DCUN1D4: variants seen among roughly 807,000 people sequenced by gnomAD.
DCUN1D4 encodes defective in cullin neddylation 1 domain containing 4.
DCUN1D4 carries 22 observed loss-of-function variants against 47.9 expected under a neutral mutation model. That is an observed-to-expected ratio of 0.46 (90% CI 0.33 to 0.66). The LOEUF is 0.66. DCUN1D4 is among the 30% of genes least tolerant of loss of function. The pLI is 0.02. For missense variants in DCUN1D4, 301 were observed against 340.8 expected (o/e 0.88, Z 0.92); for synonymous variants, 121 against 112.2 (o/e 1.08, Z -0.50).
chr4:51,855,755 C>G (rs1724039236), intron 1 of DCUN1D4, among the ~76,000 whole-genome samples: 1 of 152,106 alleles, frequency 6.6e-6, no homozygotes, highest in African/African-American at 2.4e-5. Flanking sequence ...CTCAGTGATT[C>G]AAGTAAAAGG....
At position 51,908,221 on chromosome 4, in the gene DCUN1D4, G is replaced by T. The variant is rs979372973; in HGVS notation, c.616-2849G>T. ...TGTGGGGGATTGGTATATCTTTCGT[G>T]TATAGAGCCTGTTCAGTTTGTATTA... On this transcript the variant is annotated intron_variant, in intron 8 of 10. Coordinates refer to ENST00000334635, the MANE Select transcript of DCUN1D4 (RefSeq NM_001040402.3). Among the ~76,000 whole-genome samples the T allele has an allele frequency of 3.3e-5, 5 of 152,158 alleles. No homozygotes were observed. In the East Asian group the frequency reaches 9.6e-4, roughly 29 times the overall value.
chr4:51,878,432 C>T (rs979670656), intron 5 of DCUN1D4, among the ~76,000 whole-genome samples: 1 of 152,164 alleles, frequency 6.6e-6, no homozygotes, highest in Non-Finnish European at 1.5e-5. Flanking sequence ...GCTGAAGGCT[C>T]TTTTATCTTT....
chr4:51,839,476 C>T (rs983735083), upstream of DCUN1D4, among the ~76,000 whole-genome samples: 1 of 152,082 alleles, frequency 6.6e-6, no homozygotes, highest in East Asian at 1.9e-4. Context: ...AGAGTAGTGC[C>T]CGTCACATAG....
At chr4:51,889,686 T>C (rs1370151662) in intron 6 of DCUN1D4, among the ~76,000 whole-genome samples, 1 of 152,178 alleles carries the variant, frequency 6.6e-6, no homozygotes, top group Non-Finnish European at 1.5e-5. Flanking sequence ...CTAGTTTGCA[T>C]TAGAAAATGT....
At chr4:51,910,112 T>G (rs1733499561) in intron 8 of DCUN1D4, among the ~76,000 whole-genome samples, 2 of 152,190 alleles carry the variant, frequency 1.3e-5, no homozygotes, top group South Asian at 4.1e-4. Context: ...ACTTTCTCCC[T>G]TTGTAAAAAA....
At chr4:51,912,698 A>G (rs1733885150) in intron 9 of DCUN1D4, among the ~76,000 whole-genome samples, 1 of 152,204 alleles carries the variant, frequency 6.6e-6, no homozygotes, top group Non-Finnish European at 1.5e-5. Context: ...TTTTATGATC[A>G]GATTCGAGTT....
intron 3 of DCUN1D4, 41 bp downstream of exon 3, chr4:51,863,750 C>T (rs761835130): frequency 2.0e-5 from 32 of 1,573,940 alleles, no homozygotes; most frequent in Non-Finnish European, 2.7e-5. Flanking sequence ...TAAATAGCTT[C>T]TTAATATTAG....
upstream of DCUN1D4, among the ~76,000 whole-genome samples, chr4:51,841,689 A>G (rs1358297280): frequency 6.6e-6 from 1 of 152,096 alleles, no homozygotes; most frequent in Non-Finnish European, 1.5e-5. Context: ...TGGAGGGAGC[A>G]TTTTACCATG....
At chr4:51,886,516 A>G (rs1179330492) in intron 5 of DCUN1D4, 52 bp from the exon 6 acceptor site, 4 of 1,452,862 alleles carry the variant, frequency 2.8e-6, no homozygotes, top group Non-Finnish European at 3.9e-6. Flanking sequence ...TACAGTGGTA[A>G]TAGTATGGTG....
At chr4:51,845,677 GTAT>G (rs1332943830) in intron 1 of DCUN1D4, among the ~76,000 whole-genome samples, 2 of 152,084 alleles carry the variant, frequency 1.3e-5, no homozygotes, top group Non-Finnish European at 2.9e-5. Flanking sequence ...AATATATAAG[GTAT>G]TATGAAACTA....
chr4:51,834,103 C>CTTTTTTTTTTTTTTTTTTTTTTTTTTTTT, the DCUN1D4 span, among the ~76,000 whole-genome samples: 57 of 42,570 alleles, frequency 1.3e-3, 14 homozygotes, highest in East Asian at 9.0e-3. Flanking sequence ...TTTCTTCTTT[C>CTTTTTTTTTTTTTTTTTTTTTTTTTTTTT]TTTTTTTTTT....
intron 8 of DCUN1D4, among the ~76,000 whole-genome samples, chr4:51,903,446 C>A (rs1381110253): frequency 1.3e-5 from 2 of 152,014 alleles, no homozygotes; most frequent in Admixed American, 1.3e-4. Context: ...GCTTTTTTAG[C>A]AAGTTTATTA....
At chr4:51,891,030 G>C (rs1430599273) in intron 6 of DCUN1D4, among the ~76,000 whole-genome samples, 1 of 152,198 alleles carries the variant, frequency 6.6e-6, no homozygotes, top group East Asian at 1.9e-4. Context: ...GCCCATTCCA[G>C]GCATAGTGCT....
At chr4:51,845,307 A>G (rs974793529) in intron 1 of DCUN1D4, 5 of 982,820 alleles carry the variant, frequency 5.1e-6, no homozygotes, top group Non-Finnish European at 4.8e-6. Flanking sequence ...GTGTTTGAAA[A>G]AATAACTGTC....
At chr4:51,863,317 T>C (rs954340105) in intron 1 of DCUN1D4, 120 bp from the exon 2 acceptor site, 92 of 797,982 alleles carry the variant, frequency 1.2e-4, no homozygotes, top group Non-Finnish European at 9.8e-5. Context: ...TAAAAAACTT[T>C]AGTGTCAAAT....
upstream of DCUN1D4, among the ~76,000 whole-genome samples, chr4:51,840,618 G>A (rs747987104): frequency 2.6e-5 from 4 of 152,094 alleles, no homozygotes; most frequent in Admixed American, 2.6e-4. Flanking sequence ...TTTCATGTAC[G>A]GTAAACATTC....
chr4:51,859,239 G>A (rs1373954795), intron 1 of DCUN1D4, among the ~76,000 whole-genome samples: 2 of 152,072 alleles, frequency 1.3e-5, no homozygotes, highest in South Asian at 2.1e-4. Context: ...ATATCTTTCA[G>A]TAAACTTTAA....
chr4:51,880,345 A>G (rs957577953), intron 5 of DCUN1D4, among the ~76,000 whole-genome samples: 4 of 152,176 alleles, frequency 2.6e-5, no homozygotes, highest in African/African-American at 9.7e-5. Context: ...TTTTCCGTAG[A>G]AGAGAGCAGG....
At chr4:51,842,320 T>A (rs971633985), upstream of DCUN1D4, among the ~76,000 whole-genome samples, 1 of 152,122 alleles carries the variant, frequency 6.6e-6, no homozygotes, top group Admixed American at 6.5e-5. Context: ...TGTATTTCTG[T>A]CTGATGTCTG....
Sources: allele counts gnomAD v4.1 joint callset (sites outside exome capture counted in the v4.1 genomes callset), GRCh38; gene constraint gnomAD v4.1.1; transcripts MANE v1.5; gene names NCBI Gene and HGNC (gene_info 2026-07-23, HGNC 2026-07-21).